The following SCUBE2 variants were observed in gnomAD, a reference collection of about 807,000 sequenced individuals.
SCUBE2 encodes signal peptide, CUB and EGF-like domain-containing protein 2.
In SCUBE2, 114 loss-of-function variants were observed where a neutral mutation model predicts 125.9. The ratio of observed to expected loss-of-function variants is 0.91; its 90% CI spans 0.78 to 1.06. The LOEUF is 1.06. Among genes scored for constraint, SCUBE2 ranks in the 50% least tolerant of loss-of-function variants. SCUBE2 has a pLI of 0.00. For missense variants in SCUBE2, 1,255 were observed against 1,301.8 expected (o/e 0.96, Z 0.55); for synonymous variants, 459 against 492.9 (o/e 0.93, Z 0.91).
chr11:9,070,118 G>C (rs1439577579), intron 4 of SCUBE2, among the ~76,000 whole-genome samples: 1 of 151,974 alleles, frequency 6.6e-6, no homozygotes, highest in Admixed American at 6.6e-5. Flanking sequence ...CACAGCAACA[G>C]CAACAAGAAC....
chr11:9,031,425 G>A (rs1229333277), intron 17 of SCUBE2, among the ~76,000 whole-genome samples: 1 of 152,162 alleles, frequency 6.6e-6, no homozygotes, highest in Non-Finnish European at 1.5e-5. Context: ...TTGAGCCTAG[G>A]AGCTCAAGAC....
At position 9,050,673 on chromosome 11, in the gene SCUBE2, T is replaced by C. The variant is rs780116638; in HGVS notation, c.1572A>G (p.Leu524=). 1 of 1,614,232 alleles carries C rather than the reference T, an allele frequency of 6.2e-7. No homozygotes were observed. Among genetic ancestry groups the C allele is most frequent in the Non-Finnish European group, 8.5e-7 (1 of 1,180,014 alleles). The part of the protein sequence containing the change: ...TTIRTSVTFK[L]NEGKCSLKNA... ...TTTTCAAACTACACTTGCCTTCATT[T>C]AGCTTAAAGGTTACACTTGTCCTGA... Residue 524 remains leucine (L), a synonymous_variant, in exon 14 of 23, where the codon CTA becomes CTG. Coordinates refer to ENST00000649792, the MANE Select transcript of SCUBE2 (RefSeq NM_001367977.2).
At chr11:9,022,045 C>T in intron 21 of SCUBE2, 90 bp from the exon 22 acceptor site, 1 of 946,474 alleles carries the variant, frequency 1.1e-6, no homozygotes, top group South Asian at 1.4e-5. Flanking sequence ...CTGAGAAATG[C>T]CCCTTCTGTG....
intron 12 of SCUBE2, 114 bp downstream of exon 12, chr11:9,052,985 G>T: frequency 9.4e-7 from 1 of 1,064,320 alleles, no homozygotes; most frequent in Non-Finnish European, 1.4e-6. Flanking sequence ...AAAGCACGGT[G>T]GTCGGGGCAT....
chr11:9,038,519 G>T (rs1856932506), intron 16 of SCUBE2, among the ~76,000 whole-genome samples: 1 of 152,180 alleles, frequency 6.6e-6, no homozygotes, highest in African/African-American at 2.4e-5. Flanking sequence ...GTGCATGCCA[G>T]TGGGAGAATA....
At position 9,050,654 on chromosome 11, in the gene SCUBE2, A is replaced by G. The variant is rs757014093; in HGVS notation, c.1591T>C (p.Leu531=). The stretch of plus-strand genomic sequence containing the variant: ...TCGGGAAACAGCTCAGCATTTTTCA[A>G]ACTACACTTGCCTTCATTTAGCTTA... ...TFKLNEGKCS[L]KNAELFPEGL... The change falls in exon 14 of 23, where the codon TTG becomes CTG. Residue 531 remains leucine, a synonymous_variant. Coordinates refer to ENST00000649792, the MANE Select transcript of SCUBE2 (RefSeq NM_001367977.2). The G allele has an allele frequency of 1.9e-6, 3 of 1,614,120 alleles. No individual in the cohort carries two copies. The highest frequency in any genetic ancestry group is 1.3e-5 in the African/African-American group (1 of 74,954).
At chr11:9,066,154 G>C (rs1193730654) in intron 6 of SCUBE2, among the ~76,000 whole-genome samples, 174 bp from the exon 7 acceptor site, 1 of 152,216 alleles carries the variant, frequency 6.6e-6, no homozygotes, top group Non-Finnish European at 1.5e-5. Flanking sequence ...GCCCGTTAAA[G>C]GGCCACAGAT....
At chr11:9,074,218 A>G (rs11042172) in intron 4 of SCUBE2, among the ~76,000 whole-genome samples, 16,388 of 152,168 alleles carry the variant, frequency 0.11, 2,827 homozygotes, top group African/African-American at 0.37. Context: ...AATGTATTCT[A>G]TGTAAAGATT....
At position 9,069,759 on chromosome 11, in the gene SCUBE2, T is replaced by C. The variant is rs554011424; in HGVS notation, c.518-264A>G. Among the ~76,000 whole-genome samples the C allele has an allele frequency of 2.0e-5, 3 of 152,358 alleles. No homozygotes were observed. The South Asian group carries it at 6.2e-4, about 32-fold the overall frequency. On this transcript the variant is annotated intron_variant, in intron 4 of 22. Transcript: ENST00000649792. ...CAATACACTGGAGCTCTCTATTGCA[T>C]GCAGGATCAGAGCCTGCTGACCCCA... is the stretch of plus-strand genomic sequence containing the variant.
In SCUBE2 at chr11:9,052,917, T is replaced by C. The variant is rs1326695974; in HGVS notation, c.1448-85A>G. 3.5e-6 allele frequency: 4 copies of C among 1,151,836 alleles called. No homozygotes were observed. In the African/African-American group the frequency reaches 4.6e-5, roughly 13 times the overall value. 71.4% of individuals were successfully genotyped at this position (1,151,836 alleles called of 1,614,324 possible). A position where few individuals can be genotyped will look rare whatever the true frequency, so the allele number is the denominator to read the frequency against. ...CAGCTAAACTGTCCCCCCACCCCACTCCACATGGGCCACTAGAAAAATGCC... is the reference window on the plus strand; with the variant it reads ...CAGCTAAACTGTCCCCCCACCCCACCCCACATGGGCCACTAGAAAAATGCC... On this transcript the variant is annotated intron_variant, in intron 12 of 22. Transcript: ENST00000649792.
chr11:9,069,530 T>C lies in SCUBE2; in HGVS notation c.518-35A>G, dbSNP rs748246001. On this transcript the variant is annotated intron_variant, in intron 4 of 22. Transcript: ENST00000649792. ...AGCAGTGTGCGACAGGTGACTAGGC[T>C]GTGGTCAGAATCCTGAGCCCTGGGA... 4 of 1,613,206 alleles carry C rather than the reference T, an allele frequency of 2.5e-6. No homozygotes were observed. The South Asian group carries it at 4.4e-5, about 18-fold the overall frequency.
At chr11:9,068,578 T>C (rs756874183) in intron 5 of SCUBE2, among the ~76,000 whole-genome samples, 2 of 152,264 alleles carry the variant, frequency 1.3e-5, no homozygotes, top group Admixed American at 1.3e-4. Flanking sequence ...AAGTACAAGA[T>C]GGCTGCCCTG....
chr11:9,052,593 A>G (rs1858528412), intron 13 of SCUBE2, among the ~76,000 whole-genome samples, 153 bp downstream of exon 13: 1 of 152,238 alleles, frequency 6.6e-6, no homozygotes, highest in South Asian at 2.1e-4. Context: ...TCCGGGCACC[A>G]GGACTGCAGG....
intron 21 of SCUBE2, among the ~76,000 whole-genome samples, chr11:9,023,557 C>T (rs1301610420): frequency 1.3e-5 from 2 of 151,920 alleles, no homozygotes; most frequent in East Asian, 1.9e-4. Flanking sequence ...CGACTGCTAT[C>T]GTTTAAAAAA....
At chr11:9,076,090 G>A (rs1394478049) in intron 3 of SCUBE2, among the ~76,000 whole-genome samples, 1 of 152,216 alleles carries the variant, frequency 6.6e-6, no homozygotes, top group East Asian at 1.9e-4. Context: ...TGTAAGCACA[G>A]CTTTGGAAAT....
intron 8 of SCUBE2, 56 bp from the exon 9 acceptor site, chr11:9,059,481 A>T: frequency 6.3e-7 from 1 of 1,576,760 alleles, no homozygotes; most frequent in Non-Finnish European, 8.7e-7. Flanking sequence ...CATTTCCCAC[A>T]ACTCCCTGAA....
chr11:9,029,357 C>G (rs1283394849), intron 19 of SCUBE2, among the ~76,000 whole-genome samples: 3 of 152,272 alleles, frequency 2.0e-5, no homozygotes, highest in Non-Finnish European at 2.9e-5. Context: ...ATCTGTGCTT[C>G]CCCCAGCTGC....
intron 16 of SCUBE2, among the ~76,000 whole-genome samples, chr11:9,036,643 C>T (rs567799372): frequency 1.3e-5 from 2 of 152,222 alleles, no homozygotes; most frequent in Non-Finnish European, 2.9e-5. Flanking sequence ...CGTAGAGTCA[C>T]ATCACCATGG....
At position 9,024,185 on chromosome 11, in the gene SCUBE2, T is replaced by A. The variant is rs948661230; in HGVS notation, c.2854+1517A>T. ...TTCATTTTAAAAAAAATCAAGACAT[T>A]TTCATGTGTCACAAAGGCAGAGTTG... On this transcript the variant is annotated intron_variant, in intron 21 of 22. Coordinates refer to ENST00000649792, the MANE Select transcript of SCUBE2 (RefSeq NM_001367977.2). The A allele has an allele frequency of 4.8e-5, 51 of 1,063,252 alleles. No homozygotes were observed. In the South Asian group the frequency reaches 1.3e-3, roughly 27 times the overall value. 65.9% of individuals were successfully genotyped at this position (1,063,252 alleles called of 1,614,324 possible).
Sources: gnomAD v4.1 joint callset for allele counts (sites outside exome capture counted in the v4.1 genomes callset) on GRCh38, gnomAD v4.1.1 for gene constraint, MANE v1.5 for transcripts, NCBI Gene and HGNC (gene_info 2026-07-23, HGNC 2026-07-21) for gene names.